Variants in FBXO15 observed in about 807,000 individuals in gnomAD.
The protein encoded by FBXO15 is F-box only protein 15.
FBXO15 carries 30 observed loss-of-function variants against 49.5 expected under a neutral mutation model. The ratio of observed to expected loss-of-function variants is 0.61; its 90% CI spans 0.45 to 0.82. The LOEUF (loss-of-function observed/expected upper bound fraction) is 0.82, where lower values mean the gene tolerates loss of function less well. Among genes scored for constraint, FBXO15 ranks in the 40% least tolerant of loss-of-function variants. The pLI, the probability that FBXO15 is intolerant of heterozygous loss-of-function variation, is 0.00. For missense variants in FBXO15, 591 were observed against 631.5 expected (o/e 0.94, Z 0.69); for synonymous variants, 250 against 232.7 (o/e 1.07, Z -0.68).
rs111274029 is a variant in FBXO15 at position 74,126,090 on chromosome 18, T to A, written c.797A>T (p.His266Leu). 6.5e-5 allele frequency: 105 copies of A among 1,613,604 alleles called. No homozygotes were observed. In the African/African-American group the frequency reaches 1.0e-3, roughly 16 times the overall value. ...CAGATTGTACTTTGCAATTAAAGAA[T>A]GCCATCGGAGTCTTTGAACGTTATG... is the stretch of plus-strand genomic sequence containing the variant. ...KTPTKHRLRW[H>L]SLIAKYNLSH... Residue 266 changes from histidine to leucine, a missense_variant, in exon 6 of 10, where the codon CAT becomes CTT. By Grantham distance (99) the His-to-Leu change is moderately conservative. Coordinates refer to ENST00000419743, the MANE Select transcript of FBXO15 (RefSeq NM_001142958.2).
At chr18:74,085,305 C>T (rs1328522966) in intron 8 of FBXO15, among the ~76,000 whole-genome samples, 1 of 151,610 alleles carries the variant, frequency 6.6e-6, no homozygotes, top group Non-Finnish European at 1.5e-5. Context: ...TATAAAGACA[C>T]ACAGATTGGC....
chr18:74,107,092 A>G (rs1009001036), intron 8 of FBXO15, among the ~76,000 whole-genome samples: 1 of 152,094 alleles, frequency 6.6e-6, no homozygotes, highest in Non-Finnish European at 1.5e-5. Context: ...ACATATTCTG[A>G]ATTTTCAAAT....
chr18:74,136,202 G>A (rs1599187667), intron 2 of FBXO15, among the ~76,000 whole-genome samples: 1 of 152,250 alleles, frequency 6.6e-6, no homozygotes, highest in Middle Eastern at 3.4e-3. Flanking sequence ...TTTTTGTAGA[G>A]ATAGGGTCTT....
intron 8 of FBXO15, among the ~76,000 whole-genome samples, chr18:74,096,625 G>T (rs1245415958): frequency 2.7e-5 from 4 of 149,888 alleles, no homozygotes; most frequent in Non-Finnish European, 5.9e-5. Context: ...CGAACAGGGA[G>T]CCATAATCTC....
At chr18:74,086,918 A>T (rs1387582069) in intron 8 of FBXO15, among the ~76,000 whole-genome samples, 13 of 152,228 alleles carry the variant, frequency 8.5e-5, no homozygotes, top group Admixed American at 8.5e-4. Context: ...AAACACAAGC[A>T]TATCTCAGAC....
intron 8 of FBXO15, among the ~76,000 whole-genome samples, chr18:74,117,264 A>C (rs960343559): frequency 1.3e-5 from 2 of 152,086 alleles, no homozygotes; most frequent in Non-Finnish European, 2.9e-5. Context: ...TACTGGGGGG[A>C]AAATCACAAA....
At chr18:74,122,120 G>A (rs1914499271) in intron 8 of FBXO15, among the ~76,000 whole-genome samples, 1 of 152,134 alleles carries the variant, frequency 6.6e-6, no homozygotes, top group Admixed American at 6.5e-5. Context: ...CCATGCCTGA[G>A]GACTTTCCAG....
chr18:74,074,448 G>A lies in FBXO15; in HGVS notation c.1264-718C>T, dbSNP rs751450162. 1.2e-4 allele frequency among the ~76,000 whole-genome samples: 18 copies of A among 152,068 alleles called. No homozygotes were observed. The highest frequency in any genetic ancestry group is 2.2e-4 in the Non-Finnish European group (15 of 68,018). On this transcript the variant is annotated intron_variant, in intron 9 of 9. Transcript: ENST00000419743. This position sits in a 1 kb window ranked among gnomAD's most constrained non-coding sequence, Gnocchi z 4.7. ...TGGTCAACTCCATGACCTCCTCCTC[G>A]ACTTGACCTCAGTTATTCACTCCCA... is the stretch of plus-strand genomic sequence containing the variant.
At chr18:74,131,894 G>A (rs145510155) in intron 3 of FBXO15, among the ~76,000 whole-genome samples, 97 of 152,216 alleles carry the variant, frequency 6.4e-4, no homozygotes, top group African/African-American at 2.2e-3. Context: ...GGGTGCTCTG[G>A]GGAGGCAGAG....
At chr18:74,073,777 C>A (rs769514324) in intron 9 of FBXO15, 47 bp from the exon 10 acceptor site, 27 of 1,550,890 alleles carry the variant, frequency 1.7e-5, no homozygotes, top group Non-Finnish European at 2.2e-5. Context: ...CCAATCAGAC[C>A]TGATTTTCAC....
rs1244095079 is a variant in FBXO15, at chr18:74,075,476, G to C, written c.1264-1746C>G. On this transcript the variant is annotated intron_variant, in intron 9 of 9. Coordinates refer to ENST00000419743, the MANE Select transcript of FBXO15 (RefSeq NM_001142958.2). The surrounding 1 kb of genome is among the most constrained non-coding windows in gnomAD (Gnocchi z 4.1). ...ACACATTCAAGTAACTCCCATCTTA[G>C]AGAGGCAGAGAGAGGGAAACAGCCT... Among the ~76,000 whole-genome samples the C allele has an allele frequency of 1.3e-5, 2 of 152,176 alleles. No homozygotes were observed. The highest frequency in any genetic ancestry group is 3.9e-4 in the East Asian group (2 of 5,182).
chr18:74,100,357 A>G (rs1913459653), intron 8 of FBXO15, among the ~76,000 whole-genome samples: 1 of 152,120 alleles, frequency 6.6e-6, no homozygotes, highest in South Asian at 2.1e-4. Flanking sequence ...TTTAAAAATT[A>G]TTTGAACTGA....
chr18:74,128,330 G>A (rs1409454274), intron 5 of FBXO15, among the ~76,000 whole-genome samples: 1 of 143,096 alleles, frequency 7.0e-6, no homozygotes, highest in Non-Finnish European at 1.5e-5. Flanking sequence ...CAGTTACAGA[G>A]CTGCAAAAAA....
intron 8 of FBXO15, among the ~76,000 whole-genome samples, chr18:74,091,043 T>TCTAAGAA (rs1311564737): frequency 6.6e-6 from 1 of 152,206 alleles, no homozygotes; most frequent in Non-Finnish European, 1.5e-5. Flanking sequence ...TTCATAGGTC[T>TCTAAGAA]CTAAGAACTT....
At chr18:74,113,658 T>G (rs1914121132) in intron 8 of FBXO15, among the ~76,000 whole-genome samples, 1 of 152,176 alleles carries the variant, frequency 6.6e-6, no homozygotes, top group African/African-American at 2.4e-5. Flanking sequence ...TATTTAAGAT[T>G]TACCTCCCTT....
chr18:74,145,338 T>G (rs941263217), intron 1 of FBXO15, among the ~76,000 whole-genome samples: 37 of 149,168 alleles, frequency 2.5e-4, no homozygotes, highest in African/African-American at 8.0e-4. Flanking sequence ...TTTCTTGCTG[T>G]TTTGTTTTTT....
rs58739905 is a variant in FBXO15, at chr18:74,110,194, CAT to C, written c.1138+13172_1138+13173del. Among the ~76,000 whole-genome samples the C allele has an allele frequency of 1.6e-3, 223 of 143,596 alleles. 2 individuals carry two copies. The highest frequency in any genetic ancestry group is 5.3e-3 in the African/African-American group (206 of 39,072). 94.2% of individuals were successfully genotyped at this position (143,596 alleles called of 152,430 possible). On this transcript the variant is annotated intron_variant, in intron 8 of 9. Transcript: ENST00000419743. ...ATATATATATATACACATATGTGTG[CAT>C]ATATATATATATATATGTTTATGTA...
intron 8 of FBXO15, among the ~76,000 whole-genome samples, chr18:74,119,551 C>T (rs1309172282): frequency 6.6e-6 from 1 of 152,084 alleles, no homozygotes; most frequent in Admixed American, 6.5e-5. Flanking sequence ...CTAGGTGTAG[C>T]AAAGTGGGTA....
At chr18:74,081,208 G>A (rs1422392461) in intron 9 of FBXO15, among the ~76,000 whole-genome samples, 1 of 152,194 alleles carries the variant, frequency 6.6e-6, no homozygotes. Context: ...AACAAGGTGC[G>A]CATGCATAGC....
Sources: gnomAD v4.1 joint callset for allele counts (sites outside exome capture counted in the v4.1 genomes callset) on GRCh38, gnomAD v4.1.1 for gene constraint, Gnocchi (gnomAD v3.1) non-coding constraint, MANE v1.5 for transcripts, NCBI Gene and HGNC (gene_info 2026-07-23, HGNC 2026-07-21) for gene names.